The following ALG12 variants were observed in gnomAD, a reference collection of about 807,000 sequenced individuals.
The protein encoded by ALG12 is dol-P-Man:Man(7)GlcNAc(2)-PP-Dol alpha-1,6-mannosyltransferase.
ALG12 carries 36 observed loss-of-function variants against 46.0 expected under a neutral mutation model. The ratio of observed to expected loss-of-function variants is 0.78; its 90% CI spans 0.60 to 1.03. The LOEUF (loss-of-function observed/expected upper bound fraction) is 1.03. Among genes scored for constraint, ALG12 ranks in the 50% least tolerant of loss-of-function variants. The probability of loss-of-function intolerance (pLI) is 0.00; values close to 1 mark genes in which losing one functional copy is unlikely to be tolerated. For missense variants in ALG12, 599 were observed against 633.5 expected, an observed-to-expected ratio of 0.95 and a Z score of 0.58; for synonymous variants, 326 against 291.6, an observed-to-expected ratio of 1.12 and a Z score of -1.20.
chr22:49,915,569 A>C (rs555552675), intron 1 of ALG12, among the ~76,000 whole-genome samples: 1 of 152,320 alleles, frequency 6.6e-6, no homozygotes, highest in East Asian at 1.9e-4. Flanking sequence ...AAATAAATAA[A>C]TAGATAATAA....
At chr22:49,897,439 C>T (rs777223443), downstream of ALG12, among the ~76,000 whole-genome samples, 11 of 152,168 alleles carry the variant, frequency 7.2e-5, no homozygotes, top group Non-Finnish European at 1.5e-4. Flanking sequence ...TTTGCATTCA[C>T]GCCAGCAATG....
the ALG12 span, among the ~76,000 whole-genome samples, chr22:49,860,157 G>A: frequency 6.6e-6 from 1 of 152,040 alleles, no homozygotes; most frequent in African/African-American, 2.4e-5. Context: ...AAATCAGCCG[G>A]GCATGATGGT....
intron 1 of ALG12, among the ~76,000 whole-genome samples, chr22:49,917,743 C>T (rs530212531): frequency 2.4e-4 from 35 of 148,024 alleles, no homozygotes; most frequent in Non-Finnish European, 4.2e-4. Context: ...ATCTGCACTC[C>T]TTCCTTCCAC....
chr22:49,904,141 A>C, intron 9 of ALG12, 38 bp downstream of exon 9: 1 of 1,614,140 alleles, frequency 6.2e-7, no homozygotes, highest in Non-Finnish European at 8.5e-7. Flanking sequence ...GGGCCCTCAC[A>C]TGGCCTCTGG....
At position 49,909,896 on chromosome 22, in the gene ALG12, A is replaced by G; in HGVS notation, c.662T>C (p.Leu221Ser). ...RHAVPAGILCLGLTVAVDSYF... is the reference protein window; with the variant it reads ...RHAVPAGILCSGLTVAVDSYF... ...GCATCCCACAGTGACTGACTTACCTAAACAGAGGATCCCTGCCGGGACGGC... is the reference window on the plus strand; with the variant it reads ...GCATCCCACAGTGACTGACTTACCTGAACAGAGGATCCCTGCCGGGACGGC... The change falls in exon 5 of 10, where the codon TTA (leucine) becomes TCA (serine). Residue 221 changes from leucine (L) to serine (S), a missense_variant and splice_region_variant. Leu to Ser is a moderately radical substitution (Grantham distance 145). Transcript: ENST00000330817. 6.2e-7 allele frequency: 1 copy of G among 1,614,134 alleles called. No individual in the cohort carries two copies. The highest frequency in any genetic ancestry group is 1.7e-5 in the Admixed American group (1 of 60,038).
rs963785858 is a variant in ALG12, at chr22:49,908,566, C to T, written c.769-622G>A. On this transcript the variant is annotated intron_variant, in intron 6 of 9. Transcript: ENST00000330817. Reference sequence around the variant, plus strand: ...AAAAAACCAAAAAACAAAAAACAGACGGTCACGGGTGACACACATGTTGGG... The same window carrying T: ...AAAAAACCAAAAAACAAAAAACAGATGGTCACGGGTGACACACATGTTGGG... 4.2e-5 allele frequency among the ~76,000 whole-genome samples: 6 copies of T among 142,536 alleles called. 1 individual carries two copies. The highest frequency in any genetic ancestry group is 2.7e-4 in the Admixed American group (4 of 14,568). 93.5% of individuals were successfully genotyped at this position (142,536 alleles called of 152,430 possible).
In ALG12 at chr22:49,902,584, GT is replaced by G; in HGVS notation, c.*1253del. 1 of 144,740 alleles carries G rather than the reference GT, an allele frequency of 6.9e-6. No homozygotes were observed. Among genetic ancestry groups the G allele is most frequent in the African/African-American group, 2.7e-5 (1 of 37,168 alleles). The allele number at this position is 144,740 out of a possible 1,614,324, so 9.0% of individuals were successfully genotyped here. Reference sequence around the variant, plus strand: ...GGTAATGTGCACGTGTGCACTGTGTGTGGTGTGTATGCATGGTGTGTGCACG... The same window carrying G: ...GGTAATGTGCACGTGTGCACTGTGTGGGTGTGTATGCATGGTGTGTGCACG... On this transcript the variant is annotated 3_prime_UTR_variant, in exon 10 of 10. Transcript: ENST00000330817.
chr22:49,863,077 G>T, the ALG12 span, among the ~76,000 whole-genome samples: 1 of 152,194 alleles, frequency 6.6e-6, no homozygotes, highest in African/African-American at 2.4e-5. Flanking sequence ...GTAACTTGGT[G>T]GTTGGACTCG....
At chr22:49,889,422 A>G in the ALG12 span, 1 of 167,086 alleles carries the variant, frequency 6.0e-6, no homozygotes, top group Non-Finnish European at 1.5e-5. Flanking sequence ...TTTCCAGAAT[A>G]GCAAGTTTGC....
the ALG12 span, among the ~76,000 whole-genome samples, chr22:49,895,063 G>C: frequency 3.9e-5 from 6 of 152,178 alleles, no homozygotes; most frequent in African/African-American, 1.2e-4. Flanking sequence ...GAGAGGGGAG[G>C]CTCTGAGCCC....
chr22:49,884,692 G>C, the ALG12 span: 1 of 1,601,886 alleles, frequency 6.2e-7, no homozygotes. Flanking sequence ...GCAGGAGAAC[G>C]GGGGCACGGG....
intron 1 of ALG12, among the ~76,000 whole-genome samples, 158 bp from the exon 2 acceptor site, chr22:49,914,001 A>G (rs1407898598): frequency 1.3e-5 from 2 of 152,234 alleles, no homozygotes; most frequent in African/African-American, 4.8e-5. Context: ...TGGAGAAAAA[A>G]TCACACTTGA....
At chr22:49,885,516 G>A in the ALG12 span, 1 of 1,609,922 alleles carries the variant, frequency 6.2e-7, no homozygotes, top group African/African-American at 1.3e-5. Context: ...AGGTCTCGGA[G>A]ACGGCTCGGC....
At chr22:49,908,152 T>C (rs1335441631) in intron 6 of ALG12, among the ~76,000 whole-genome samples, 1 of 152,134 alleles carries the variant, frequency 6.6e-6, no homozygotes, top group Non-Finnish European at 1.5e-5. Flanking sequence ...ACATACCACT[T>C]GGGCGTCGGG....
chr22:49,882,077 A>C, the ALG12 span, among the ~76,000 whole-genome samples: 1 of 152,194 alleles, frequency 6.6e-6, no homozygotes, highest in Admixed American at 6.5e-5. Context: ...TAGAAAATAC[A>C]TGATGTGGTG....
chr22:49,903,698 C>T lies in ALG12; in HGVS notation c.*140G>A. On this transcript the variant is annotated 3_prime_UTR_variant, in exon 10 of 10. Transcript: ENST00000330817. The stretch of plus-strand genomic sequence containing the variant: ...CTGTGGAGGAGGCCCTGGACCTGGT[C>T]TGGTGTCTGTCAGAGGCAGGTGCCC... The T allele has an allele frequency of 1.0e-6, 1 of 967,838 alleles. No homozygotes were observed. Among genetic ancestry groups the T allele is most frequent in the Non-Finnish European group, 1.6e-6 (1 of 623,644 alleles). 60.0% of individuals were successfully genotyped at this position (967,838 alleles called of 1,614,324 possible). A position where few individuals can be genotyped will look rare whatever the true frequency, so the allele number is the denominator to read the frequency against.
At chr22:49,892,623 C>T in the ALG12 span, among the ~76,000 whole-genome samples, 3 of 152,200 alleles carry the variant, frequency 2.0e-5, no homozygotes, top group Admixed American at 1.3e-4. Flanking sequence ...CAGTGCCTGC[C>T]ATTGAGAAAA....
chr22:49,885,552 G>T, the ALG12 span: 1 of 1,604,762 alleles, frequency 6.2e-7, no homozygotes, highest in Non-Finnish European at 8.5e-7. Flanking sequence ...CCCGGGTGCC[G>T]CGGGGCACAG....
intron 5 of ALG12, among the ~76,000 whole-genome samples, 178 bp from the exon 6 acceptor site, chr22:49,909,525 C>T (rs1026090359): frequency 2.0e-5 from 3 of 152,056 alleles, no homozygotes; most frequent in African/African-American, 7.2e-5. Flanking sequence ...ATGATCATGC[C>T]ACTGCACTCC....
Sources: gnomAD v4.1 joint callset for allele counts (sites outside exome capture counted in the v4.1 genomes callset) on GRCh38, gnomAD v4.1.1 for gene constraint, MANE v1.5 for transcripts, NCBI Gene and HGNC (gene_info 2026-07-23, HGNC 2026-07-21) for gene names.